ZDHHC8: variants seen among roughly 807,000 people sequenced by gnomAD.
ZDHHC8 encodes palmitoyltransferase ZDHHC8.
Under a neutral mutation model 61.2 loss-of-function variants are expected in ZDHHC8, and 24 were observed. The ratio of observed to expected loss-of-function variants is 0.39; its 90% CI spans 0.28 to 0.55. The LOEUF is 0.55. ZDHHC8 is among the 20% of genes least tolerant of loss of function. The probability of loss-of-function intolerance (pLI) is 0.60; values close to 1 mark genes in which losing one functional copy is unlikely to be tolerated. For missense variants in ZDHHC8, 935 were observed against 1,102.1 expected, an observed-to-expected ratio of 0.85 and a Z score of 2.15; for synonymous variants, 523 against 492.5, an observed-to-expected ratio of 1.06 and a Z score of -0.82.
At chr22:20,140,821 G>A in intron 6 of ZDHHC8, 50 bp from the exon 7 acceptor site, 1 of 1,600,534 alleles carries the variant, frequency 6.2e-7, no homozygotes, top group South Asian at 1.1e-5. Context: ...CCCTGCCCTT[G>A]TGTGTTTGTG....
chr22:20,146,058 G>A lies in ZDHHC8; in HGVS notation c.*658G>A. 2.0e-6 allele frequency: 2 copies of A among 985,868 alleles called. No individual in the cohort carries two copies. The highest frequency in any genetic ancestry group is 1.2e-6 in the Non-Finnish European group (1 of 830,004). The allele number at this position is 985,868 out of a possible 1,614,324, so 61.1% of individuals were successfully genotyped here. On this transcript the variant is annotated 3_prime_UTR_variant, in exon 11 of 11. Transcript: ENST00000334554. Reference sequence around the variant, plus strand: ...TCTGTGTGCTGTGCTGCCGCGCCGTGTCTGATGTGTCAGTGCTCCGGCCGC... The same window carrying A: ...TCTGTGTGCTGTGCTGCCGCGCCGTATCTGATGTGTCAGTGCTCCGGCCGC...
Position 20,146,630 on chromosome 22 carries a change from G to C in ZDHHC8, c.*1230G>C, listed in dbSNP as rs1420678329. The C allele has an allele frequency of 6.0e-6, 6 of 1,004,952 alleles. No homozygotes were observed. The African/African-American group carries it at 1.0e-4, about 17-fold the overall frequency. The allele number at this position is 1,004,952 out of a possible 1,614,324, so 62.3% of individuals were successfully genotyped here. ...CTGAGTCAGAGGCTTGGGAAGAGGG[G>C]GCGGCCGATGGTCTGTGGCTGGGAA... On this transcript the variant is annotated 3_prime_UTR_variant, in exon 11 of 11. Transcript: ENST00000334554.
intron 5 of ZDHHC8, 181 bp downstream of exon 5, chr22:20,140,398 G>A: frequency 1.3e-6 from 1 of 777,842 alleles, no homozygotes; most frequent in Non-Finnish European, 2.0e-6. Flanking sequence ...CGCACATCCT[G>A]CCTGTGGACA....
Position 20,139,426 on chromosome 22 carries a change from C to G in ZDHHC8, c.227-52C>G, listed in dbSNP as rs538809809. The G allele has an allele frequency of 1.9e-6, 3 of 1,606,466 alleles. No individual in the cohort carries two copies. In the African/African-American group the frequency reaches 4.0e-5, roughly 21 times the overall value. On this transcript the variant is annotated intron_variant, in intron 2 of 10. Coordinates refer to ENST00000334554, the MANE Select transcript of ZDHHC8 (RefSeq NM_013373.4). The stretch of plus-strand genomic sequence containing the variant: ...GTGGGCTGGACTTGGGGGAGGGATT[C>G]ACCTGCCAGGAAAGTCAACTTCCTG...
Position 20,146,030 on chromosome 22 carries a change from G to C in ZDHHC8, c.*630G>C. On this transcript the variant is annotated 3_prime_UTR_variant, in exon 11 of 11. Coordinates refer to ENST00000334554, the MANE Select transcript of ZDHHC8 (RefSeq NM_013373.4). ...CCGGGGGCCCGGCTCCATGTGTCCCGTGTCTGTGTGCTGTGCTGCCGCGCC... is the reference window on the plus strand; with the variant it reads ...CCGGGGGCCCGGCTCCATGTGTCCCCTGTCTGTGTGCTGTGCTGCCGCGCC... 1.0e-6 allele frequency: 1 copy of C among 986,092 alleles called. No homozygotes were observed. Among genetic ancestry groups the C allele is most frequent in the Non-Finnish European group, 1.2e-6 (1 of 830,214 alleles). The allele number at this position is 986,092 out of a possible 1,614,324, so 61.1% of individuals were successfully genotyped here. A position where few individuals can be genotyped will look rare whatever the true frequency, so the allele number is the denominator to read the frequency against.
At chr22:20,142,716 G>T in intron 9 of ZDHHC8, 40 bp from the exon 10 acceptor site, 1 of 1,608,690 alleles carries the variant, frequency 6.2e-7, no homozygotes, top group Non-Finnish European at 8.5e-7. Context: ...TGCAGGCGGG[G>T]TGGCAGGTGG....
chr22:20,144,666 G>T (rs955213342), intron 10 of ZDHHC8, among the ~76,000 whole-genome samples: 3 of 152,232 alleles, frequency 2.0e-5, no homozygotes, highest in African/African-American at 7.2e-5. Context: ...GGAGGAGGCT[G>T]CCACTGGGAG....
intron 1 of ZDHHC8, among the ~76,000 whole-genome samples, chr22:20,137,425 C>G (rs2050431035): frequency 6.6e-6 from 1 of 152,256 alleles, no homozygotes; most frequent in Non-Finnish European, 1.5e-5. Context: ...GGCTTCCATC[C>G]TGAGGTCAGC....
chr22:20,143,406 G>A lies in ZDHHC8; in HGVS notation c.1776G>A (p.Val592=). Residue 592 remains valine (V), a synonymous_variant, in exon 10 of 11, where the codon GTG becomes GTA. Coordinates refer to ENST00000334554, the MANE Select transcript of ZDHHC8 (RefSeq NM_013373.4). ...PSSYSLQQAS[V]LSEGPRGPAL... ...CCTACAGCCTGCAGCAGGCCAGTGT[G>A]CTGTCCGAGGGCCCCCGAGGTCCCG... 6.3e-7 allele frequency: 1 copy of A among 1,590,034 alleles called. No individual in the cohort carries two copies. Among genetic ancestry groups the A allele is most frequent in the Non-Finnish European group, 8.5e-7 (1 of 1,172,968 alleles).
At position 20,145,561 on chromosome 22, in the gene ZDHHC8, A is replaced by G. The variant is rs1279454475; in HGVS notation, c.*161A>G. On this transcript the variant is annotated 3_prime_UTR_variant, in exon 11 of 11. Coordinates refer to ENST00000334554, the MANE Select transcript of ZDHHC8 (RefSeq NM_013373.4). Reference sequence around the variant, plus strand: ...TGCCACGCCTCCACAGCTTGCCCCAAGCGCTCTGCCTGCCCGTCCACTCAT... The same window carrying G: ...TGCCACGCCTCCACAGCTTGCCCCAGGCGCTCTGCCTGCCCGTCCACTCAT... The G allele has an allele frequency of 9.4e-6, 12 of 1,280,488 alleles. No individual in the cohort carries two copies. Among genetic ancestry groups the G allele is most frequent in the Non-Finnish European group, 8.9e-6 (9 of 1,013,270 alleles). 79.3% of individuals were successfully genotyped at this position (1,280,488 alleles called of 1,614,324 possible). A position where few individuals can be genotyped will look rare whatever the true frequency, so the allele number is the denominator to read the frequency against.
In ZDHHC8 at chr22:20,146,737, C is replaced by T. The variant is rs1032753853; in HGVS notation, c.*1337C>T. ...GGGGAAAGACTTGGGTCTGCCGCTA[C>T]CCACAGGGGACTCTCAGGAACCCGA... On this transcript the variant is annotated 3_prime_UTR_variant, in exon 11 of 11. Coordinates refer to ENST00000334554, the MANE Select transcript of ZDHHC8 (RefSeq NM_013373.4). 5.0e-6 allele frequency: 6 copies of T among 1,192,052 alleles called. No homozygotes were observed. Among genetic ancestry groups the T allele is most frequent in the African/African-American group, 3.2e-5 (2 of 63,412 alleles). 73.8% of individuals were successfully genotyped at this position (1,192,052 alleles called of 1,614,324 possible).
intron 9 of ZDHHC8, 27 bp from the exon 10 acceptor site, chr22:20,142,729 A>G (rs766583165): frequency 6.2e-7 from 1 of 1,610,714 alleles, no homozygotes; most frequent in Non-Finnish European, 8.5e-7. Flanking sequence ...GCAGGTGGGC[A>G]GTGGTGAGAA....
Position 20,142,785 on chromosome 22 carries a change from G to A in ZDHHC8, c.1155G>A (p.Gly385=). 1.2e-6 allele frequency: 2 copies of A among 1,612,670 alleles called. No homozygotes were observed. The highest frequency in any genetic ancestry group is 1.1e-5 in the South Asian group (1 of 91,078). Residue 385 remains glycine (G), a synonymous_variant, in exon 10 of 11, where the codon GGG becomes GGA. Transcript: ENST00000334554. ...QVPGPDSLTL[G]DDSIRSLDFV... The stretch of plus-strand genomic sequence containing the variant: ...CAGGCCCTGATTCCCTGACCCTGGG[G>A]GACGACAGCATCCGTAGCCTGGACT...
At chr22:20,141,591 C>T (rs939909541) in intron 9 of ZDHHC8, 61 bp downstream of exon 9, 12 of 1,415,414 alleles carry the variant, frequency 8.5e-6, no homozygotes, top group South Asian at 1.3e-5. Flanking sequence ...TCTAGGAGCT[C>T]GCCCCACAGC....
At chr22:20,143,848 T>C in intron 10 of ZDHHC8, 92 bp downstream of exon 10, 1 of 1,418,144 alleles carries the variant, frequency 7.1e-7, no homozygotes, top group Non-Finnish European at 9.3e-7. Context: ...TCATAGGTCA[T>C]CCCAGGGGCC....
At position 20,147,329 on chromosome 22, in the gene ZDHHC8, C is replaced by T; in HGVS notation, c.*1929C>T. ...ACCCTGGGGCAGGGCTGGGGGTGGG[C>T]TGGGCTCTCTGCTCCACCAGCCACA... On this transcript the variant is annotated 3_prime_UTR_variant, in exon 11 of 11. Transcript: ENST00000334554. 8.3e-7 allele frequency: 1 copy of T among 1,209,108 alleles called. No individual in the cohort carries two copies. The highest frequency in any genetic ancestry group is 1.1e-6 in the Non-Finnish European group (1 of 911,650). 74.9% of individuals were successfully genotyped at this position (1,209,108 alleles called of 1,614,324 possible).
In ZDHHC8 at chr22:20,131,892, C is replaced by G; in HGVS notation, c.-56C>G. On this transcript the variant is annotated 5_prime_UTR_variant, in exon 1 of 11. Transcript: ENST00000334554. ...CCGCCCGCCCGACCCCGGCCCGACCCCGGCCGGCCCTGCCCGCCCGGCCCC... is the reference window on the plus strand; with the variant it reads ...CCGCCCGCCCGACCCCGGCCCGACCGCGGCCGGCCCTGCCCGCCCGGCCCC... The G allele has an allele frequency of 2.3e-6, 2 of 852,290 alleles. No individual in the cohort carries two copies. Among genetic ancestry groups the G allele is most frequent in the African/African-American group, 3.7e-5 (2 of 54,048 alleles). 52.8% of individuals were successfully genotyped at this position (852,290 alleles called of 1,614,324 possible).
chr22:20,135,771 G>A (rs1410874144), intron 1 of ZDHHC8, among the ~76,000 whole-genome samples: 2 of 152,268 alleles, frequency 1.3e-5, no homozygotes, highest in African/African-American at 4.8e-5. Context: ...TATAGGGATT[G>A]GACAGGTAGG....
chr22:20,144,833 T>A (rs572658549), intron 10 of ZDHHC8, among the ~76,000 whole-genome samples: 242 of 152,332 alleles, frequency 1.6e-3, no homozygotes, highest in African/African-American at 5.7e-3. Context: ...AGCCCCTCGT[T>A]TTCCTGAGAG....
Sources: allele counts gnomAD v4.1 joint callset (sites outside exome capture counted in the v4.1 genomes callset), GRCh38; gene constraint gnomAD v4.1.1; transcripts MANE v1.5; gene names NCBI Gene and HGNC (gene_info 2026-07-23, HGNC 2026-07-21).